SYN3: variants seen among roughly 807,000 people sequenced by gnomAD.
SYN3 encodes synapsin-3.
Under a neutral mutation model 65.8 loss-of-function variants are expected in SYN3, and 35 were observed. The ratio of observed to expected loss-of-function variants is 0.53; its 90% CI spans 0.41 to 0.70. SYN3 has a LOEUF of 0.70. Ranked by LOEUF, SYN3 falls within the 30% of genes least tolerant of loss-of-function variation. SYN3 has a pLI of 0.00. For synonymous variants in SYN3, 270 were observed against 292.9 expected, an observed-to-expected ratio of 0.92 and a Z score of 0.80; for missense variants, 680 against 749.0, an observed-to-expected ratio of 0.91 and a Z score of 1.08.
At position 32,853,931 on chromosome 22, in the gene SYN3, T is replaced by C. The variant is rs556011646; in HGVS notation, c.711+10984A>G. Among the ~76,000 whole-genome samples, 348 of 152,328 alleles carry C rather than the reference T, an allele frequency of 2.3e-3. 3 individuals carry two copies. Among genetic ancestry groups the C allele is most frequent in the African/African-American group, 8.0e-3 (332 of 41,572 alleles). On this transcript the variant is annotated intron_variant, in intron 6 of 13. Transcript: ENST00000358763. ...CAGAGAAGATTGAAGATTCAAACTCTGGCTGTCAGCCTCCAAAACCTGAAT... is the reference window on the plus strand; with the variant it reads ...CAGAGAAGATTGAAGATTCAAACTCCGGCTGTCAGCCTCCAAAACCTGAAT...
At position 32,766,415 on chromosome 22, in the gene SYN3, G is replaced by A. The variant is rs191332779; in HGVS notation, c.711+98500C>T. Among the ~76,000 whole-genome samples, 596 of 152,282 alleles carry A rather than the reference G, an allele frequency of 3.9e-3. 1 individual carries two copies. The highest frequency in any genetic ancestry group is 0.014 in the Middle Eastern group (4 of 294). On this transcript the variant is annotated intron_variant, in intron 6 of 13. Coordinates refer to ENST00000358763, the MANE Select transcript of SYN3 (RefSeq NM_003490.4). Reference sequence around the variant, plus strand: ...CTCCACAACAACCTGTTCAATCAGCGTGATACAGCAGTTCTGCAAGGTCAC... The same window carrying A: ...CTCCACAACAACCTGTTCAATCAGCATGATACAGCAGTTCTGCAAGGTCAC...
At chr22:32,625,916 G>C (rs1332269758) in intron 6 of SYN3, among the ~76,000 whole-genome samples, 1 of 152,126 alleles carries the variant, frequency 6.6e-6, no homozygotes, top group Non-Finnish European at 1.5e-5. Flanking sequence ...ATCGATAACC[G>C]TAAGTCAAGG....
At chr22:32,742,097 C>A (rs2044789031) in intron 6 of SYN3, among the ~76,000 whole-genome samples, 1 of 152,040 alleles carries the variant, frequency 6.6e-6, no homozygotes, top group Non-Finnish European at 1.5e-5. Context: ...CACGGTAAAA[C>A]CCCACCTCTA....
intron 4 of SYN3, among the ~76,000 whole-genome samples, chr22:32,892,494 T>C (rs2049478897): frequency 6.6e-6 from 1 of 152,188 alleles, no homozygotes; most frequent in Admixed American, 6.5e-5. Context: ...ACATACATGC[T>C]ATTACAAATT....
chr22:32,726,976 T>G (rs994165595), intron 6 of SYN3, among the ~76,000 whole-genome samples: 10 of 152,112 alleles, frequency 6.6e-5, no homozygotes, highest in African/African-American at 1.9e-4. Flanking sequence ...ATGAAGTTTT[T>G]TTTTTTTTTT....
chr22:32,987,034 T>C (rs560397097), intron 2 of SYN3, among the ~76,000 whole-genome samples: 47 of 152,154 alleles, frequency 3.1e-4, no homozygotes, highest in Non-Finnish European at 5.9e-4. Flanking sequence ...GGGGAATTCA[T>C]ACAAACAGGA....
chr22:32,984,679 A>G (rs2052473155), intron 2 of SYN3, among the ~76,000 whole-genome samples: 1 of 151,898 alleles, frequency 6.6e-6, no homozygotes, highest in African/African-American at 2.4e-5. Flanking sequence ...GGTGTGGCTA[A>G]TAAGGACCAG....
intron 3 of SYN3, among the ~76,000 whole-genome samples, chr22:32,939,720 G>A (rs892845207): frequency 1.1e-4 from 17 of 152,108 alleles, no homozygotes; most frequent in African/African-American, 3.9e-4. Flanking sequence ...GTATTTCATT[G>A]TCTGAATATT....
At chr22:32,923,685 ATTTG>A (rs879579129) in intron 4 of SYN3, among the ~76,000 whole-genome samples, 1 of 152,058 alleles carries the variant, frequency 6.6e-6, no homozygotes, top group Admixed American at 6.5e-5. Context: ...GTTTTTATTT[ATTTG>A]TTTATTAAAC....
At chr22:32,885,567 C>CT (rs5845047) in intron 4 of SYN3, among the ~76,000 whole-genome samples, 137 of 147,332 alleles carry the variant, frequency 9.3e-4, no homozygotes, top group African/African-American at 2.3e-3. Flanking sequence ...CTTCCCTTTC[C>CT]TTTTTTTTTT....
At chr22:32,564,551 C>G (rs1256385737) in intron 7 of SYN3, among the ~76,000 whole-genome samples, 2 of 152,098 alleles carry the variant, frequency 1.3e-5, no homozygotes, top group African/African-American at 4.8e-5. Context: ...ACAATGCTCC[C>G]GGACTGTACA....
At chr22:32,742,908 T>TG (rs1569188241) in intron 6 of SYN3, among the ~76,000 whole-genome samples, 1 of 152,238 alleles carries the variant, frequency 6.6e-6, no homozygotes, top group Non-Finnish European at 1.5e-5. Context: ...CTAAGCCTTT[T>TG]ATAAGTATTA....
At chr22:32,870,594 A>T (rs1455018295) in intron 4 of SYN3, among the ~76,000 whole-genome samples, 1 of 152,212 alleles carries the variant, frequency 6.6e-6, no homozygotes, top group Non-Finnish European at 1.5e-5. Context: ...TTTGTAAGAT[A>T]CCCAAAAAAA....
At chr22:32,883,544 T>G (rs2049202851) in intron 4 of SYN3, among the ~76,000 whole-genome samples, 1 of 152,236 alleles carries the variant, frequency 6.6e-6, no homozygotes, top group Non-Finnish European at 1.5e-5. Flanking sequence ...CAAAACTAGT[T>G]CTTCCTCCTC....
chr22:32,997,223 A>G (rs1431660918), intron 2 of SYN3, among the ~76,000 whole-genome samples: 1 of 152,172 alleles, frequency 6.6e-6, no homozygotes, highest in African/African-American at 2.4e-5. Flanking sequence ...TGCCCCATAC[A>G]GTTATTGGGA....
intron 6 of SYN3, among the ~76,000 whole-genome samples, chr22:32,656,237 T>C (rs73401340): frequency 0.014 from 2,157 of 152,286 alleles, 55 homozygotes; most frequent in African/African-American, 0.048. Context: ...GAGTCAAACA[T>C]GTTGAGCTCC....
At chr22:32,587,222 CAAAAAAA>C (rs11341864) in intron 7 of SYN3, among the ~76,000 whole-genome samples, 1 of 86,434 alleles carries the variant, frequency 1.2e-5, no homozygotes, top group Non-Finnish European at 2.3e-5. Flanking sequence ...GCTCTTATCT[CAAAAAAA>C]AAAAAAAAAA....
At chr22:32,792,338 T>C (rs1448289656) in intron 6 of SYN3, among the ~76,000 whole-genome samples, 1 of 152,166 alleles carries the variant, frequency 6.6e-6, no homozygotes, top group South Asian at 2.1e-4. Context: ...TTTTGAGAGA[T>C]CGTTAAATCC....
At chr22:32,948,030 G>T (rs770053713) in intron 3 of SYN3, among the ~76,000 whole-genome samples, 1 of 152,192 alleles carries the variant, frequency 6.6e-6, no homozygotes, top group Non-Finnish European at 1.5e-5. Flanking sequence ...GCTTAGGGCT[G>T]TATGTTTTCC....
Sources: allele counts gnomAD v4.1 joint callset (sites outside exome capture counted in the v4.1 genomes callset), GRCh38; gene constraint gnomAD v4.1.1; transcripts MANE v1.5; gene names NCBI Gene and HGNC (gene_info 2026-07-23, HGNC 2026-07-21).